The following ECT2 variants were observed in gnomAD, a reference collection of about 807,000 sequenced individuals.
ECT2 encodes the protein epithelial cell transforming 2.
ECT2 carries 61 observed loss-of-function variants against 116.9 expected under a neutral mutation model. That is an observed-to-expected ratio of 0.52 (90% CI 0.42 to 0.65). The LOEUF (loss-of-function observed/expected upper bound fraction) is 0.65, where lower values mean the gene tolerates loss of function less well. ECT2 is among the 30% of genes least tolerant of loss of function. The probability of loss-of-function intolerance (pLI) is 0.00; values close to 1 mark genes in which losing one functional copy is unlikely to be tolerated. For missense variants in ECT2, 937 were observed against 1,078.7 expected, an observed-to-expected ratio of 0.87 and a Z score of 1.84; for synonymous variants, 358 against 346.4, an observed-to-expected ratio of 1.03 and a Z score of -0.37.
intron 18 of ECT2, among the ~76,000 whole-genome samples, chr3:172,789,461 C>T (rs1724248693): frequency 6.6e-6 from 1 of 152,154 alleles, no homozygotes; most frequent in Non-Finnish European, 1.5e-5. Flanking sequence ...ACCTCGGCTA[C>T]CCAAAGTATT....
intron 22 of ECT2, among the ~76,000 whole-genome samples, chr3:172,814,970 T>G (rs1430052050): frequency 6.6e-6 from 1 of 152,150 alleles, no homozygotes; most frequent in African/African-American, 2.4e-5. Context: ...TATCCTGTCC[T>G]CCCCAGCATG....
the ECT2 span, chr3:172,828,842 G>T: frequency 1.1e-6 from 1 of 919,560 alleles, no homozygotes; most frequent in Non-Finnish European, 1.7e-6. Flanking sequence ...CCTGAGAGAT[G>T]AGTGCCTGAG....
chr3:172,773,138 T>C (rs1720960366), intron 13 of ECT2, among the ~76,000 whole-genome samples: 1 of 152,206 alleles, frequency 6.6e-6, no homozygotes, highest in Admixed American at 6.5e-5. Context: ...ATTGACATTC[T>C]TACTGTGTTG....
rs767234043 is a variant in ECT2 at position 172,755,486 on chromosome 3, A to G, written c.214A>G (p.Ile72Val). The G allele has an allele frequency of 2.0e-6, 3 of 1,503,860 alleles. No individual in the cohort carries two copies. The highest frequency in any genetic ancestry group is 2.5e-5 in the East Asian group (1 of 40,670). 93.2% of individuals were successfully genotyped at this position (1,503,860 alleles called of 1,614,324 possible). A position where few individuals can be genotyped will look rare whatever the true frequency, so the allele number is the denominator to read the frequency against. Residue 72 changes from isoleucine (I) to valine (V), a missense_variant, in exon 4 of 25, where the codon ATT (isoleucine) becomes GTT (valine). Ile to Val is a conservative substitution (Grantham distance 29). Transcript: ENST00000392692. ...TACTTAAGTCTCTTTTCCACAGACT[A>G]TTAAAATAATGGAAGTCCCTGTTAT... is the stretch of plus-strand genomic sequence containing the variant. Reference protein sequence around the residue: ...QEELIKALKTIKIMEVPVIKI... With the variant: ...QEELIKALKTVKIMEVPVIKI...
downstream of ECT2, among the ~76,000 whole-genome samples, chr3:172,824,358 C>T (rs922529657): frequency 3.3e-5 from 5 of 152,258 alleles, no homozygotes; most frequent in African/African-American, 1.2e-4. Flanking sequence ...GGGAAGCCAG[C>T]ACTTCAGATG....
the ECT2 span, among the ~76,000 whole-genome samples, chr3:172,828,573 A>G: frequency 6.6e-6 from 1 of 152,066 alleles, no homozygotes; most frequent in East Asian, 1.9e-4. Flanking sequence ...TAGTGGGTGA[A>G]AAACAGCCTA....
At chr3:172,785,143 C>A (rs1464036799) in intron 17 of ECT2, among the ~76,000 whole-genome samples, 2 of 151,964 alleles carry the variant, frequency 1.3e-5, no homozygotes, top group African/African-American at 4.8e-5. Flanking sequence ...TTTGTATGTC[C>A]CGACTTTTTT....
chr3:172,761,676 A>T lies in ECT2; in HGVS notation c.751A>T (p.Asn251Tyr), dbSNP rs531984277. 6.2e-7 allele frequency: 1 copy of T among 1,606,822 alleles called. No homozygotes were observed. Among genetic ancestry groups the T allele is most frequent in the East Asian group, 2.2e-5 (1 of 44,682 alleles). Residue 251 changes from asparagine (N) to tyrosine (Y), a missense_variant, in exon 8 of 25, where the codon AAT (asparagine) becomes TAT (tyrosine). Transcript: ENST00000392692. ...GATTTATAAAGCTTGGGAAAGGCGG[A>T]ATGAACAGTAAGTGTTTAGAAACTC... ...EWIYKAWERRNEQDFYAAVDD... is the reference protein window; with the variant it reads ...EWIYKAWERRYEQDFYAAVDD...
In ECT2 at chr3:172,782,608, G is replaced by T. The variant is rs188009984; in HGVS notation, c.1617+377G>T. On this transcript the variant is annotated intron_variant, in intron 15 of 24. Transcript: ENST00000392692. ...ATATAGGTAAAATTGTGTCATAGGG[G>T]TTAATTGTACAGATTGTTTCGTCAC... Among the ~76,000 whole-genome samples the T allele has an allele frequency of 5.8e-4, 88 of 152,270 alleles. 1 individual carries two copies. The highest frequency in any genetic ancestry group is 9.7e-4 in the Non-Finnish European group (66 of 68,014).
intron 15 of ECT2, 84 bp from the exon 16 acceptor site, chr3:172,783,715 T>G: frequency 1.2e-6 from 1 of 839,924 alleles, no homozygotes; most frequent in Non-Finnish European, 2.0e-6. Context: ...AGATTGTGAC[T>G]ACTAATTATT....
intron 12 of ECT2, among the ~76,000 whole-genome samples, chr3:172,764,800 A>G (rs1279921537): frequency 2.6e-5 from 4 of 152,210 alleles, no homozygotes; most frequent in African/African-American, 4.8e-5. Context: ...GGGTCATATA[A>G]CTAGAGAGTG....
intron 20 of ECT2, among the ~76,000 whole-genome samples, chr3:172,803,308 G>A (rs1034582850): frequency 6.6e-6 from 1 of 152,068 alleles, no homozygotes; most frequent in Non-Finnish European, 1.5e-5. Context: ...ATAATTCTGA[G>A]TTTTTTGAAA....
chr3:172,824,249 T>G (rs140626779), downstream of ECT2, among the ~76,000 whole-genome samples: 1 of 152,210 alleles, frequency 6.6e-6, no homozygotes, highest in Non-Finnish European at 1.5e-5. Context: ...AAAAGAGATT[T>G]AATTGGCTCC....
At chr3:172,827,920 ATAT>A in the ECT2 span, among the ~76,000 whole-genome samples, 9 of 152,184 alleles carry the variant, frequency 5.9e-5, no homozygotes, top group Non-Finnish European at 1.0e-4. Flanking sequence ...CCTTTTAAGC[ATAT>A]TATTGTTGAC....
chr3:172,774,157 T>A (rs375007151), intron 14 of ECT2, 135 bp downstream of exon 14: 22 of 802,058 alleles, frequency 2.7e-5, no homozygotes, highest in East Asian at 2.4e-4. Context: ...TTCCTTTGAA[T>A]CATTTGTCTC....
At chr3:172,797,588 A>T (rs911206598) in intron 18 of ECT2, among the ~76,000 whole-genome samples, 1 of 152,130 alleles carries the variant, frequency 6.6e-6, no homozygotes, top group African/African-American at 2.4e-5. Flanking sequence ...GTTACTGTGT[A>T]ACATTGTTCC....
At chr3:172,811,171 G>C (rs1009445819) in intron 22 of ECT2, among the ~76,000 whole-genome samples, 50 of 151,922 alleles carry the variant, frequency 3.3e-4, no homozygotes, top group African/African-American at 1.2e-3. Context: ...GAAATTTAGG[G>C]AAATAGACTA....
chr3:172,823,511 T>A (rs2109460248), downstream of ECT2, among the ~76,000 whole-genome samples: 1 of 152,272 alleles, frequency 6.6e-6, no homozygotes, highest in African/African-American at 2.4e-5. Flanking sequence ...CTGTTGTGAA[T>A]ATAAAAATGA....
intron 17 of ECT2, 61 bp from the exon 18 acceptor site, chr3:172,786,432 T>C: frequency 2.8e-6 from 3 of 1,056,518 alleles, no homozygotes; most frequent in Admixed American, 2.0e-5. Context: ...GACAGCATTT[T>C]AGTCTTAGAT....
Sources: allele counts gnomAD v4.1 joint callset (sites outside exome capture counted in the v4.1 genomes callset), GRCh38; gene constraint gnomAD v4.1.1; transcripts MANE v1.5; gene names NCBI Gene and HGNC (gene_info 2026-07-23, HGNC 2026-07-21).